PPM1E: variants seen among roughly 807,000 people sequenced by gnomAD.
PPM1E encodes the protein protein phosphatase, Mg2+/Mn2+ dependent 1E.
In PPM1E, 20 loss-of-function variants were observed where a neutral mutation model predicts 65.9. That is an observed-to-expected ratio of 0.30 (90% CI 0.21 to 0.44). The LOEUF (loss-of-function observed/expected upper bound fraction) is 0.44, where lower values mean the gene tolerates loss of function less well. Among genes scored for constraint, PPM1E ranks in the 20% least tolerant of loss-of-function variants. The pLI, the probability that PPM1E is intolerant of heterozygous loss-of-function variation, is 1.00. For synonymous variants in PPM1E, 352 were observed against 374.9 expected (o/e 0.94, Z 0.70); for missense variants, 713 against 953.1 (o/e 0.75, Z 3.32).
At chr17:58,837,817 A>G (rs923906818) in intron 1 of PPM1E, among the ~76,000 whole-genome samples, 11 of 152,168 alleles carry the variant, frequency 7.2e-5, no homozygotes, top group African/African-American at 2.7e-4. Flanking sequence ...TTTATAAATT[A>G]TATGTGCTAC....
At chr17:58,809,411 G>T (rs1332721827) in intron 1 of PPM1E, among the ~76,000 whole-genome samples, 2 of 151,606 alleles carry the variant, frequency 1.3e-5, no homozygotes, top group Non-Finnish European at 2.9e-5. Context: ...TTTTTTTTTT[G>T]AGATAGGGTC....
chr17:58,969,800 G>A (rs2030479264), intron 4 of PPM1E, 73 bp downstream of exon 4: 2 of 1,396,318 alleles, frequency 1.4e-6, no homozygotes, highest in Admixed American at 2.0e-5. Context: ...TGGTTAAAGG[G>A]CTATTTAGAT....
chr17:58,922,056 GAAAAAAAAAA>G (rs548601181), intron 1 of PPM1E, among the ~76,000 whole-genome samples: 66 of 142,980 alleles, frequency 4.6e-4, no homozygotes, highest in African/African-American at 1.6e-3. Context: ...AAAAAAAAAA[GAAAAAAAAAA>G]AGTGTATGGG....
At chr17:58,803,302 GT>G (rs1430501103) in intron 1 of PPM1E, among the ~76,000 whole-genome samples, 1 of 152,036 alleles carries the variant, frequency 6.6e-6, no homozygotes, top group Non-Finnish European at 1.5e-5. Context: ...GTTAAATTTT[GT>G]TGAGTATTTT....
chr17:58,810,204 G>A (rs1432674106), intron 1 of PPM1E, among the ~76,000 whole-genome samples: 2 of 151,760 alleles, frequency 1.3e-5, no homozygotes, highest in African/African-American at 4.8e-5. Flanking sequence ...GTGGTGCTGT[G>A]TACTTTTTTG....
intron 1 of PPM1E, among the ~76,000 whole-genome samples, chr17:58,798,932 G>T (rs953689096): frequency 6.6e-6 from 1 of 151,958 alleles, no homozygotes; most frequent in Non-Finnish European, 1.5e-5. Context: ...CTGACCTCAA[G>T]TAATCTGCCC....
At chr17:58,806,931 T>A (rs1350428348) in intron 1 of PPM1E, among the ~76,000 whole-genome samples, 1 of 151,692 alleles carries the variant, frequency 6.6e-6, no homozygotes, top group Non-Finnish European at 1.5e-5. Flanking sequence ...GGTCTTGAAC[T>A]CCTGACCTCG....
intron 1 of PPM1E, among the ~76,000 whole-genome samples, chr17:58,797,330 C>T (rs1449387811): frequency 1.3e-5 from 2 of 152,092 alleles, no homozygotes; most frequent in Non-Finnish European, 2.9e-5. Context: ...AGAATTAGAA[C>T]ATTACTGCTA....
At position 58,976,524 on chromosome 17, in the gene PPM1E, T is replaced by C. The variant is rs143043479; in HGVS notation, c.1211-3450T>C. Reference sequence around the variant, plus strand: ...CTACTCAGGAAAGAAATGATACTTATAAAAATGAAAAGGTTTTCAACAGTT... The same window carrying C: ...CTACTCAGGAAAGAAATGATACTTACAAAAATGAAAAGGTTTTCAACAGTT... On this transcript the variant is annotated intron_variant, in intron 6 of 6. Coordinates refer to ENST00000308249, the MANE Select transcript of PPM1E (RefSeq NM_014906.5). 5.1e-4 allele frequency among the ~76,000 whole-genome samples: 77 copies of C among 152,270 alleles called. 1 individual carries two copies. In the East Asian group the frequency reaches 0.014, roughly 27 times the overall value.
In PPM1E at chr17:58,981,581, G is replaced by A. The variant is rs2031358406; in HGVS notation, c.*550G>A. 6.6e-6 allele frequency: 1 copy of A among 152,634 alleles called. No homozygotes were observed. Among genetic ancestry groups the A allele is most frequent in the African/African-American group, 2.4e-5 (1 of 41,434 alleles). The allele number at this position is 152,634 out of a possible 1,614,324, so 9.5% of individuals were successfully genotyped here. The stretch of plus-strand genomic sequence containing the variant: ...TGGATTTTAACTGATAACAATGAAA[G>A]TGGTAAATCAGTGTAAAAGTGTCAT... On this transcript the variant is annotated 3_prime_UTR_variant, in exon 7 of 7. Transcript: ENST00000308249.
chr17:58,848,927 A>G (rs1298126402), intron 1 of PPM1E, among the ~76,000 whole-genome samples: 1 of 152,130 alleles, frequency 6.6e-6, no homozygotes, highest in African/African-American at 2.4e-5. Context: ...TTGGTAGGCT[A>G]TTAATTATTG....
chr17:58,757,976 T>C (rs1343284192), intron 1 of PPM1E, among the ~76,000 whole-genome samples: 1 of 152,168 alleles, frequency 6.6e-6, no homozygotes, highest in Non-Finnish European at 1.5e-5. Flanking sequence ...TGTAATTTTT[T>C]ACAGTATTTA....
At chr17:58,774,178 AC>A (rs1431776655) in intron 1 of PPM1E, among the ~76,000 whole-genome samples, 10 of 147,952 alleles carry the variant, frequency 6.8e-5, no homozygotes, top group South Asian at 4.5e-4. Flanking sequence ...CCCAAAAAAA[AC>A]ATTATAGGTA....
rs1347964844 is a variant in PPM1E at position 58,984,683 on chromosome 17, G to GT, written c.*3653dup. ...GCTTAAATGTCTCTTGCAAAACAAA[G>GT]TAAGATACCACCAGTATTACAACAC... On this transcript the variant is annotated 3_prime_UTR_variant, in exon 7 of 7. Coordinates refer to ENST00000308249, the MANE Select transcript of PPM1E (RefSeq NM_014906.5). The GT allele has an allele frequency of 4.6e-5, 7 of 152,704 alleles. No homozygotes were observed. Among genetic ancestry groups the GT allele is most frequent in the Non-Finnish European group, 7.4e-5 (5 of 68,016 alleles). 9.5% of individuals were successfully genotyped at this position (152,704 alleles called of 1,614,324 possible). A position where few individuals can be genotyped will look rare whatever the true frequency, so the allele number is the denominator to read the frequency against.
At chr17:58,792,160 C>T (rs977754929) in intron 1 of PPM1E, among the ~76,000 whole-genome samples, 1 of 151,210 alleles carries the variant, frequency 6.6e-6, no homozygotes, top group Non-Finnish European at 1.5e-5. Flanking sequence ...GTTAAATATG[C>T]CTCTCCTTCC....
chr17:58,841,094 C>G (rs995496175), intron 1 of PPM1E, among the ~76,000 whole-genome samples: 1 of 152,144 alleles, frequency 6.6e-6, no homozygotes, highest in Non-Finnish European at 1.5e-5. Context: ...GGGGCACCCC[C>G]CTTGTTGTTG....
At chr17:58,757,373 C>G (rs552633219) in intron 1 of PPM1E, among the ~76,000 whole-genome samples, 3 of 152,248 alleles carry the variant, frequency 2.0e-5, no homozygotes, top group East Asian at 3.9e-4. Context: ...CATCCCAGTT[C>G]TGGTTTTTAT....
At chr17:58,782,601 G>A (rs962499284) in intron 1 of PPM1E, among the ~76,000 whole-genome samples, 2 of 150,480 alleles carry the variant, frequency 1.3e-5, no homozygotes, top group East Asian at 1.9e-4. Flanking sequence ...TAATAGAGAC[G>A]GGGTTTCACC....
intron 1 of PPM1E, among the ~76,000 whole-genome samples, chr17:58,789,963 A>T (rs2050140466): frequency 6.6e-6 from 1 of 152,172 alleles, no homozygotes; most frequent in Non-Finnish European, 1.5e-5. Context: ...TTTTCATTCT[A>T]GCACAATTTT....
Sources: allele counts gnomAD v4.1 joint callset (sites outside exome capture counted in the v4.1 genomes callset), GRCh38; gene constraint gnomAD v4.1.1; transcripts MANE v1.5; gene names NCBI Gene and HGNC (gene_info 2026-07-23, HGNC 2026-07-21).